The following NR6A1 variants were observed in gnomAD, a reference collection of about 807,000 sequenced individuals.
The protein encoded by NR6A1 is nuclear receptor subfamily 6 group A member 1, also known as retinoic acid receptor-related testis-associated receptor.
NR6A1 carries 7 observed loss-of-function variants against 59.1 expected under a neutral mutation model. The observed-to-expected ratio is 0.12, with a 90% CI of 0.07 to 0.22. The LOEUF is 0.22. NR6A1 is among the 10% of genes least tolerant of loss of function. The probability of loss-of-function intolerance (pLI) is 1.00; values close to 1 mark genes in which losing one functional copy is unlikely to be tolerated. For missense variants in NR6A1, 468 were observed against 611.6 expected, an observed-to-expected ratio of 0.77 and a Z score of 2.48; for synonymous variants, 243 against 236.1, an observed-to-expected ratio of 1.03 and a Z score of -0.27.
chr9:124,738,820 T>G (rs945607078), intron 1 of NR6A1, among the ~76,000 whole-genome samples: 1 of 151,850 alleles, frequency 6.6e-6, no homozygotes, highest in African/African-American at 2.4e-5. Context: ...TTGGCCAACA[T>G]AGTGAAACCC....
At chr9:124,599,164 C>T (rs1204682161) in intron 2 of NR6A1, 5 of 579,612 alleles carry the variant, frequency 8.6e-6, no homozygotes, top group South Asian at 6.5e-5. Context: ...CCTCTTTGGC[C>T]GGGGGCGGTG....
chr9:124,529,911 G>A (rs541046163), intron 7 of NR6A1, among the ~76,000 whole-genome samples: 22 of 152,280 alleles, frequency 1.4e-4, no homozygotes, highest in South Asian at 6.2e-4. Context: ...TGACTGGAGG[G>A]GTGGGGATGA....
At chr9:124,537,150 C>T (rs1050576841) in intron 6 of NR6A1, among the ~76,000 whole-genome samples, 4 of 151,610 alleles carry the variant, frequency 2.6e-5, no homozygotes, top group Admixed American at 6.6e-5. Context: ...CTCGGCTCAC[C>T]GCAACCTCAG....
At chr9:124,703,957 C>G (rs1839043815) in intron 2 of NR6A1, among the ~76,000 whole-genome samples, 1 of 152,176 alleles carries the variant, frequency 6.6e-6, no homozygotes, top group South Asian at 2.1e-4. Flanking sequence ...AGCCACTGCA[C>G]CCAGCATGCT....
chr9:124,722,686 C>T lies in NR6A1; in HGVS notation c.142+10622G>A, dbSNP rs372529474. 1.2e-3 allele frequency among the ~76,000 whole-genome samples: 184 copies of T among 152,260 alleles called. 2 individuals carry two copies. Among genetic ancestry groups the T allele is most frequent in the African/African-American group, 3.9e-3 (164 of 41,540 alleles). Reference sequence around the variant, plus strand: ...CACATGTAGAACTCTCCTTGGTGGGCATCTACCAATATGGCAAGATATACC... The same window carrying T: ...CACATGTAGAACTCTCCTTGGTGGGTATCTACCAATATGGCAAGATATACC... On this transcript the variant is annotated intron_variant, in intron 2 of 9. Transcript: ENST00000487099.
chr9:124,755,811 G>C (rs1328547497), intron 1 of NR6A1, among the ~76,000 whole-genome samples: 2 of 152,128 alleles, frequency 1.3e-5, no homozygotes, highest in South Asian at 2.1e-4. Flanking sequence ...AATTCCCACT[G>C]TGTAAAATAT....
At chr9:124,666,939 A>G (rs1053778617) in intron 2 of NR6A1, among the ~76,000 whole-genome samples, 7 of 152,044 alleles carry the variant, frequency 4.6e-5, no homozygotes, top group Non-Finnish European at 7.4e-5. Context: ...TAAGAATTAT[A>G]TGTTTGCCTG....
At chr9:124,530,344 C>A (rs180954755) in intron 7 of NR6A1, among the ~76,000 whole-genome samples, 1 of 152,202 alleles carries the variant, frequency 6.6e-6, no homozygotes, top group Non-Finnish European at 1.5e-5. Context: ...TTCCTCCACA[C>A]CCCGCATCCC....
At chr9:124,746,067 G>A (rs956813702) in intron 1 of NR6A1, among the ~76,000 whole-genome samples, 20 of 151,316 alleles carry the variant, frequency 1.3e-4, no homozygotes, top group Non-Finnish European at 2.5e-4. Flanking sequence ...CAACTGAAGG[G>A]GAAAAAAAAA....
intron 1 of NR6A1, among the ~76,000 whole-genome samples, chr9:124,734,908 T>C (rs1839980035): frequency 6.6e-6 from 1 of 151,696 alleles, no homozygotes; most frequent in Non-Finnish European, 1.5e-5. Flanking sequence ...AGTGATGCAA[T>C]CTCAGCTCAC....
intron 2 of NR6A1, among the ~76,000 whole-genome samples, chr9:124,668,500 T>C (rs1402155588): frequency 6.6e-6 from 1 of 152,212 alleles, no homozygotes; most frequent in African/African-American, 2.4e-5. Flanking sequence ...GATATATTAA[T>C]ATGTAGAAAA....
chr9:124,636,232 T>C (rs1836608256), intron 2 of NR6A1, among the ~76,000 whole-genome samples: 1 of 152,258 alleles, frequency 6.6e-6, no homozygotes, highest in Admixed American at 6.5e-5. Context: ...TTAAAGGTTC[T>C]TTAGACATTT....
Position 124,536,144 on chromosome 9 carries a change from G to A in NR6A1, c.825-12C>T, listed in dbSNP as rs755878456. 10 of 1,607,838 alleles carry A rather than the reference G, an allele frequency of 6.2e-6. No individual in the cohort carries two copies. Among genetic ancestry groups the A allele is most frequent in the Admixed American group, 1.7e-5 (1 of 59,920 alleles). On this transcript the variant is annotated splice_polypyrimidine_tract_variant and intron_variant, in intron 6 of 9. Transcript: ENST00000487099. ...GTGTCACAGCGTATCTGAGGGGCAG[G>A]GACAGGGGAAAGTCACTTCCATTGG...
intron 2 of NR6A1, among the ~76,000 whole-genome samples, chr9:124,729,232 T>G (rs903351913): frequency 2.0e-5 from 3 of 152,218 alleles, no homozygotes; most frequent in Non-Finnish European, 4.4e-5. Context: ...AATTTTTGTT[T>G]ATTGTGTTCA....
intron 2 of NR6A1, among the ~76,000 whole-genome samples, chr9:124,715,555 T>G (rs1009780628): frequency 2.0e-5 from 3 of 151,824 alleles, no homozygotes; most frequent in African/African-American, 7.3e-5. Flanking sequence ...AAATAAAATT[T>G]TAAAAAATTT....
intron 2 of NR6A1, chr9:124,693,636 C>G (rs764851565): frequency 3.4e-5 from 17 of 505,072 alleles, no homozygotes; most frequent in Non-Finnish European, 6.1e-5. Flanking sequence ...ACACAGACTT[C>G]AAAGAACTGA....
intron 2 of NR6A1, among the ~76,000 whole-genome samples, chr9:124,705,839 G>C (rs893096472): frequency 2.7e-5 from 4 of 150,538 alleles, no homozygotes; most frequent in African/African-American, 9.8e-5. Flanking sequence ...GCAGTGGTGT[G>C]ATCTTGGCTC....
At chr9:124,598,949 T>A in intron 2 of NR6A1, 1 of 708,688 alleles carries the variant, frequency 1.4e-6, no homozygotes, top group Non-Finnish European at 2.6e-6. Context: ...TCAGGCATGG[T>A]CATTACCCAC....
intron 2 of NR6A1, among the ~76,000 whole-genome samples, chr9:124,665,054 C>T (rs1263324146): frequency 7.2e-6 from 1 of 139,060 alleles, no homozygotes; most frequent in South Asian, 2.4e-4. Context: ...ATTAGCCAGA[C>T]TTGGTGGTGT....
Sources: allele counts gnomAD v4.1 joint callset (sites outside exome capture counted in the v4.1 genomes callset), GRCh38; gene constraint gnomAD v4.1.1; transcripts MANE v1.5; gene names NCBI Gene and HGNC (gene_info 2026-07-23, HGNC 2026-07-21).